The following MSI2 variants were observed in gnomAD, a reference collection of about 807,000 sequenced individuals.
The protein encoded by MSI2 is musashi RNA binding protein 2.
MSI2 carries 17 observed loss-of-function variants against 45.6 expected under a neutral mutation model. That is an observed-to-expected ratio of 0.37 (90% confidence interval 0.26 to 0.56). MSI2 has a LOEUF of 0.56. Among genes scored for constraint, MSI2 ranks in the 20% least tolerant of loss-of-function variants. MSI2 has a pLI of 0.77. For synonymous variants in MSI2, 156 were observed against 158.2 expected (o/e 0.99, Z 0.11); for missense variants, 293 against 444.2 (o/e 0.66, Z 3.06).
At chr17:57,478,027 A>G (rs1196449066) in intron 6 of MSI2, among the ~76,000 whole-genome samples, 2 of 152,178 alleles carry the variant, frequency 1.3e-5, no homozygotes. Context: ...AAGCATGTAG[A>G]GAGCACAGAG....
At chr17:57,697,031 G>C in the MSI2 span, among the ~76,000 whole-genome samples, 2 of 152,040 alleles carry the variant, frequency 1.3e-5, no homozygotes, top group African/African-American at 4.8e-5. Flanking sequence ...AGCCAGGGAG[G>C]GGGTGTGAGG....
chr17:57,467,727 C>T (rs1275370483), intron 6 of MSI2, among the ~76,000 whole-genome samples: 2 of 152,068 alleles, frequency 1.3e-5, no homozygotes, highest in African/African-American at 4.8e-5. Context: ...GACACTGGTC[C>T]TAGGGAATCC....
intron 5 of MSI2, among the ~76,000 whole-genome samples, chr17:57,299,909 A>C (rs1002798242): frequency 1.3e-5 from 2 of 152,194 alleles, no homozygotes; most frequent in African/African-American, 4.8e-5. Context: ...GGGCATTCAT[A>C]GTGATGACCT....
chr17:57,487,098 G>A (rs2143783231), intron 6 of MSI2, among the ~76,000 whole-genome samples: 1 of 152,340 alleles, frequency 6.6e-6, no homozygotes, highest in East Asian at 1.9e-4. Context: ...ATGGCCCTGA[G>A]CAAGGGAAGT....
intron 7 of MSI2, among the ~76,000 whole-genome samples, chr17:57,542,522 C>T (rs1200109545): frequency 6.6e-6 from 1 of 152,204 alleles, no homozygotes; most frequent in Non-Finnish European, 1.5e-5. Context: ...CCTGGTTGTA[C>T]ACTAAAATCC....
intron 5 of MSI2, among the ~76,000 whole-genome samples, chr17:57,292,484 GGGGTGGCAGGGTACCTGGAGGAA>G (rs1280957748): frequency 6.6e-6 from 1 of 152,124 alleles, no homozygotes; most frequent in Non-Finnish European, 1.5e-5. Context: ...CAGTGGGGTT[GGGGTGGCAGGGTACCTGGAGGAA>G]GGGTGGATTT....
chr17:57,418,819 C>T (rs1452867002), intron 6 of MSI2, among the ~76,000 whole-genome samples: 1 of 152,132 alleles, frequency 6.6e-6, no homozygotes, highest in Non-Finnish European at 1.5e-5. Flanking sequence ...AATGGATCCA[C>T]ATGGATTAAT....
intron 10 of MSI2, among the ~76,000 whole-genome samples, chr17:57,643,967 G>A (rs1910449266): frequency 6.6e-6 from 1 of 152,160 alleles, no homozygotes; most frequent in Admixed American, 6.5e-5. Flanking sequence ...CCTCTCCGGA[G>A]GGACAGATGA....
At chr17:57,540,766 C>G (rs945930045) in intron 7 of MSI2, among the ~76,000 whole-genome samples, 1 of 152,186 alleles carries the variant, frequency 6.6e-6, no homozygotes, top group African/African-American at 2.4e-5. Flanking sequence ...GAGGGCATGG[C>G]CTTGCCAACA....
At chr17:57,410,008 C>CAGAAAAAA (rs1555599983) in intron 6 of MSI2, among the ~76,000 whole-genome samples, 2 of 61,662 alleles carry the variant, frequency 3.2e-5, no homozygotes, top group South Asian at 1.6e-3. Context: ...ACTCTGTCTC[C>CAGAAAAAA]AAAAAAAAAA....
At chr17:57,261,981 G>T in intron 4 of MSI2, 170 bp from the exon 5 acceptor site, 1 of 640,304 alleles carries the variant, frequency 1.6e-6, no homozygotes, top group East Asian at 2.8e-5. Context: ...ATCTGTTGGA[G>T]GGATGGTTAA....
intron 6 of MSI2, among the ~76,000 whole-genome samples, chr17:57,497,196 C>T (rs1220539106): frequency 6.6e-6 from 1 of 152,172 alleles, no homozygotes; most frequent in Non-Finnish European, 1.5e-5. Flanking sequence ...AGGCTAGTCT[C>T]GAACCCCTGA....
Position 57,682,328 on chromosome 17 carries a change from C to CG in MSI2, c.*2811_*2812insG, listed in dbSNP as rs927025975. On this transcript the variant is annotated 3_prime_UTR_variant, in exon 14 of 14. Transcript: ENST00000284073. ...CGGCGTTTTGTAGATCCCCCCCCCC[C>CG]CACCCACTGTGAAGGGGTGCCATAC... The CG allele has an allele frequency of 1.1e-5, 2 of 176,544 alleles. No individual in the cohort carries two copies. Among genetic ancestry groups the CG allele is most frequent in the South Asian group, 2.2e-4 (1 of 4,604 alleles). 10.9% of individuals were successfully genotyped at this position (176,544 alleles called of 1,614,324 possible).
intron 5 of MSI2, among the ~76,000 whole-genome samples, 191 bp from the exon 6 acceptor site, chr17:57,401,188 T>A (rs577207198): frequency 6.6e-6 from 1 of 152,324 alleles, no homozygotes; most frequent in East Asian, 1.9e-4. Context: ...GGTTGCCATC[T>A]GAATGCCTGA....
chr17:57,452,756 T>G (rs185962688), intron 6 of MSI2, among the ~76,000 whole-genome samples: 1 of 152,160 alleles, frequency 6.6e-6, no homozygotes, highest in Non-Finnish European at 1.5e-5. Flanking sequence ...CTGAGCAAAG[T>G]GTATTTTGTA....
intron 5 of MSI2, among the ~76,000 whole-genome samples, chr17:57,327,746 G>C (rs866559604): frequency 2.8e-4 from 43 of 152,300 alleles, no homozygotes; most frequent in African/African-American, 1.0e-3. Flanking sequence ...AAGGTCATTG[G>C]CTGATGGTGT....
chr17:57,482,082 A>G (rs1483067922), intron 6 of MSI2, among the ~76,000 whole-genome samples: 1 of 152,202 alleles, frequency 6.6e-6, no homozygotes, highest in East Asian at 1.9e-4. Flanking sequence ...ATTACGTACA[A>G]CCTTCGGCCA....
At chr17:57,602,917 G>A (rs927254205) in intron 8 of MSI2, among the ~76,000 whole-genome samples, 3 of 152,314 alleles carry the variant, frequency 2.0e-5, no homozygotes, top group East Asian at 3.9e-4. Flanking sequence ...AGTGATTGGC[G>A]TGCACATTAA....
intron 11 of MSI2, among the ~76,000 whole-genome samples, chr17:57,660,593 G>A (rs745619168): frequency 1.3e-5 from 2 of 152,206 alleles, no homozygotes; most frequent in African/African-American, 2.4e-5. Flanking sequence ...CCATAAGCCC[G>A]GTAACATAAG....
Sources: gnomAD v4.1 joint callset for allele counts (sites outside exome capture counted in the v4.1 genomes callset) on GRCh38, gnomAD v4.1.1 for gene constraint, MANE v1.5 for transcripts, NCBI Gene and HGNC (gene_info 2026-07-23, HGNC 2026-07-21) for gene names.